The following GRID2IP variants were observed in gnomAD, a reference collection of about 807,000 sequenced individuals.
GRID2IP encodes the protein delphilin.
GRID2IP carries 78 observed loss-of-function variants against 114.3 expected under a neutral mutation model. The observed-to-expected ratio is 0.68, with a 90% CI of 0.57 to 0.82. The LOEUF (loss-of-function observed/expected upper bound fraction) is 0.82, where lower values mean the gene tolerates loss of function less well. Among genes scored for constraint, GRID2IP ranks in the 40% least tolerant of loss-of-function variants. The probability of loss-of-function intolerance (pLI) is 0.00; values close to 1 mark genes in which losing one functional copy is unlikely to be tolerated. For synonymous variants in GRID2IP, 809 were observed against 724.0 expected, an observed-to-expected ratio of 1.12 and a Z score of -1.89; for missense variants, 1,727 against 1,678.5, an observed-to-expected ratio of 1.03 and a Z score of -0.51.
rs1333895396 is a variant in GRID2IP at position 6,539,748 on chromosome 7, T to C, written c.554A>G (p.Glu185Gly). The C allele has an allele frequency of 2.6e-6, 4 of 1,549,776 alleles. No homozygotes were observed. The East Asian group carries it at 7.3e-5, about 28-fold the overall frequency. The change falls in exon 2 of 22, where the codon GAG becomes GGG. Residue 185 changes from glutamate (E) to glycine (G), a missense_variant. Coordinates refer to ENST00000457091, the MANE Select transcript of GRID2IP (RefSeq NM_001145118.2). ...GTTGTCCAGGAGTGGCCCGCAGGCCTCTCGGGGCAGCGCCAGGGTGAGAGT... is the reference window on the plus strand; with the variant it reads ...GTTGTCCAGGAGTGGCCCGCAGGCCCCTCGGGGCAGCGCCAGGGTGAGAGT... Reference protein sequence around the residue: ...VWTLTLALPREACGPLLDNLR... With the variant: ...VWTLTLALPRGACGPLLDNLR...
At chr7:6,544,306 T>C (rs1236492488) in intron 1 of GRID2IP, among the ~76,000 whole-genome samples, 2 of 150,824 alleles carry the variant, frequency 1.3e-5, no homozygotes, top group Non-Finnish European at 3.0e-5. Flanking sequence ...TGAGATGGAG[T>C]GTCACTCTTA....
rs1378549024 is a variant in GRID2IP at position 6,534,309 on chromosome 7, C to T, written c.584+5409G>A. On this transcript the variant is annotated intron_variant, in intron 2 of 21. Coordinates refer to ENST00000457091, the MANE Select transcript of GRID2IP (RefSeq NM_001145118.2). This position sits in a 1 kb window ranked among gnomAD's most constrained non-coding sequence, Gnocchi z 4.5. ...ACGCCACCACTCATATTTCCTGAAA[C>T]GCTAGCGGACCACAAAGCTGACTCT... Among the ~76,000 whole-genome samples, 1 of 152,172 alleles carries T rather than the reference C, an allele frequency of 6.6e-6. No homozygotes were observed. Among genetic ancestry groups the T allele is most frequent in the African/African-American group, 2.4e-5 (1 of 41,452 alleles).
chr7:6,542,368 G>GC (rs1779827586), intron 1 of GRID2IP, among the ~76,000 whole-genome samples: 1 of 151,782 alleles, frequency 6.6e-6, no homozygotes, highest in Admixed American at 6.6e-5. Context: ...CAAGATCCTG[G>GC]CAGGGCTGGG....
At chr7:6,538,413 G>C (rs988067451) in intron 2 of GRID2IP, among the ~76,000 whole-genome samples, 1 of 146,698 alleles carries the variant, frequency 6.8e-6, no homozygotes, top group Admixed American at 6.9e-5. Context: ...AACAAGAAAA[G>C]TAATCAGGCC....
rs79502733 is a variant in GRID2IP, at chr7:6,496,911, C to T, written c.*863G>A. On this transcript the variant is annotated 3_prime_UTR_variant, in exon 22 of 22. Transcript: ENST00000457091. ...GTAACTCCTGCTATATGCCTAGGCA[C>T]ATGTAAAATGACCATTTGGGTCCCA... 4.9e-3 allele frequency among the ~76,000 whole-genome samples: 751 copies of T among 152,210 alleles called. 5 individuals are homozygous for T. Among genetic ancestry groups the T allele is most frequent in the African/African-American group, 0.018 (727 of 41,540 alleles).
chr7:6,517,309 A>T (rs1380023441), intron 7 of GRID2IP, among the ~76,000 whole-genome samples: 5 of 151,622 alleles, frequency 3.3e-5, no homozygotes, highest in Non-Finnish European at 7.4e-5. Context: ...TGCCCATCTC[A>T]GCCTCCCAAG....
intron 7 of GRID2IP, among the ~76,000 whole-genome samples, chr7:6,514,826 C>A (rs1013839113): frequency 1.3e-5 from 2 of 151,954 alleles, no homozygotes; most frequent in African/African-American, 2.4e-5. Context: ...GTGGTGCACA[C>A]CTGTAATCCC....
chr7:6,538,395 CAAAACAAAA>C (rs1779762401), intron 2 of GRID2IP, among the ~76,000 whole-genome samples: 1 of 142,258 alleles, frequency 7.0e-6, no homozygotes, highest in Admixed American at 7.2e-5. Flanking sequence ...CAAAACAAAA[CAAAACAAAA>C]CAAGAAAAGT....
intron 1 of GRID2IP, among the ~76,000 whole-genome samples, chr7:6,544,251 T>G (rs1394621117): frequency 6.6e-6 from 1 of 151,890 alleles, no homozygotes; most frequent in African/African-American, 2.4e-5. Flanking sequence ...GATCAATGAC[T>G]GGTAAATGCA....
At chr7:6,522,399 A>G (rs1439730003) in intron 4 of GRID2IP, among the ~76,000 whole-genome samples, 1 of 152,128 alleles carries the variant, frequency 6.6e-6, no homozygotes, top group Non-Finnish European at 1.5e-5. Context: ...CAGCATCAGT[A>G]CTTCTTGAGT....
At chr7:6,517,731 C>T (rs1385587927) in intron 7 of GRID2IP, among the ~76,000 whole-genome samples, 1 of 151,472 alleles carries the variant, frequency 6.6e-6, no homozygotes, top group Non-Finnish European at 1.5e-5. Flanking sequence ...GGTGAAACCC[C>T]ATCTCTACTA....
At chr7:6,505,628 C>T (rs575793189) in intron 14 of GRID2IP, among the ~76,000 whole-genome samples, 192 bp downstream of exon 14, 2 of 152,276 alleles carry the variant, frequency 1.3e-5, no homozygotes, top group Admixed American at 6.5e-5. Context: ...CTCAGCCTCC[C>T]AAAGTGCTGG....
chr7:6,498,182 A>C lies in GRID2IP; in HGVS notation c.3446T>G (p.Leu1149Arg). The change falls in exon 21 of 22, where the codon CTG becomes CGG. Residue 1149 changes from leucine to arginine, a missense_variant. Physicochemically the swap from Leu to Arg is moderately radical, Grantham distance 102. Transcript: ENST00000457091. ...AQPALRALDG[L>R]QREAMEELGK... is the part of the protein sequence containing the mutation. The stretch of plus-strand genomic sequence containing the variant: ...CAGCTCCTCCATGGCCTCGCGCTGC[A>C]GCCCGTCGAGCGCCCGAAGTGCTGG... 6.4e-7 allele frequency: 1 copy of C among 1,550,536 alleles called. No individual in the cohort carries two copies. The highest frequency in any genetic ancestry group is 2.4e-5 in the East Asian group (1 of 40,892).
chr7:6,520,557 C>T lies in GRID2IP; in HGVS notation c.1268+21G>A, dbSNP rs1229986651. 1 of 1,546,172 alleles carries T rather than the reference C, an allele frequency of 6.5e-7. No homozygotes were observed. Among genetic ancestry groups the T allele is most frequent in the Non-Finnish European group, 8.7e-7 (1 of 1,143,326 alleles). On this transcript the variant is annotated intron_variant, in intron 7 of 21. Transcript: ENST00000457091. This position sits in a 1 kb window ranked among gnomAD's most constrained non-coding sequence, Gnocchi z 4.6. ...AGGGCCCACCCAGGGCAGGGCCCCACCGCGGCTTTGGCCCGGCCACCTGTG... is the reference window on the plus strand; with the variant it reads ...AGGGCCCACCCAGGGCAGGGCCCCATCGCGGCTTTGGCCCGGCCACCTGTG...
chr7:6,531,301 GCTGGGACCCTTTTGGT>G (rs1779618778), intron 2 of GRID2IP: 1 of 397,278 alleles, frequency 2.5e-6, no homozygotes, highest in Non-Finnish European at 4.4e-6. Flanking sequence ...CCTCTGCCCT[GCTGGGACCCTTTTGGT>G]CGCTCTGGGG....
At chr7:6,542,318 A>G (rs894858063) in intron 1 of GRID2IP, among the ~76,000 whole-genome samples, 10 of 151,258 alleles carry the variant, frequency 6.6e-5, no homozygotes, top group African/African-American at 2.2e-4. Context: ...AAAAAAAAAA[A>G]AAAAAAAAGA....
intron 1 of GRID2IP, 25 bp downstream of exon 1, chr7:6,550,983 C>T: frequency 8.4e-7 from 1 of 1,196,458 alleles, no homozygotes; most frequent in Non-Finnish European, 1.0e-6. Flanking sequence ...CCTTCCCGCC[C>T]CCACCTCCCA....
In GRID2IP at chr7:6,532,672, C is replaced by T. The variant is rs1458653383; in HGVS notation, c.585-5903G>A. On this transcript the variant is annotated intron_variant, in intron 2 of 21. Transcript: ENST00000457091. The surrounding 1 kb of genome is among the most constrained non-coding windows in gnomAD (Gnocchi z 4.4). ...CCTCCCAGCCAGCACAGCTCTCTGT[C>T]GTCTGTGGGGCCCCAGCCATCCCAT... Among the ~76,000 whole-genome samples the T allele has an allele frequency of 6.6e-6, 1 of 152,228 alleles. No homozygotes were observed. The highest frequency in any genetic ancestry group is 1.5e-5 in the Non-Finnish European group (1 of 68,054).
Position 6,509,762 on chromosome 7 carries a change from C to T in GRID2IP, c.1772-449G>A, listed in dbSNP as rs933219192. On this transcript the variant is annotated intron_variant, in intron 11 of 21. Transcript: ENST00000457091. This position sits in a 1 kb window ranked among gnomAD's most constrained non-coding sequence, Gnocchi z 4.9. ...GTGCCAACGCTGGTACAACGCGTTG[C>T]ACTTGATCATTTATCCAATAACCAC... 6.6e-6 allele frequency among the ~76,000 whole-genome samples: 1 copy of T among 152,220 alleles called. No homozygotes were observed. The highest frequency in any genetic ancestry group is 2.4e-5 in the African/African-American group (1 of 41,460).
Sources: allele counts gnomAD v4.1 joint callset (sites outside exome capture counted in the v4.1 genomes callset), GRCh38; gene constraint gnomAD v4.1.1; non-coding constraint Gnocchi (gnomAD v3.1); transcripts MANE v1.5; gene names NCBI Gene and HGNC (gene_info 2026-07-23, HGNC 2026-07-21).